Variants in CWF19L2 observed in about 807,000 individuals in gnomAD.
CWF19L2 encodes CWF19 like cell cycle control factor 2.
CWF19L2 carries 98 observed loss-of-function variants against 111.7 expected under a neutral mutation model. That is an observed-to-expected ratio of 0.88 (90% CI 0.75 to 1.04). The LOEUF (loss-of-function observed/expected upper bound fraction) is 1.04, where lower values mean the gene tolerates loss of function less well. Ranked by LOEUF, CWF19L2 falls within the 50% of genes least tolerant of loss-of-function variation. CWF19L2 has a pLI of 0.00. For synonymous variants in CWF19L2, 351 were observed against 342.9 expected (o/e 1.02, Z -0.26); for missense variants, 1,101 against 1,051.4 (o/e 1.05, Z -0.65).
At position 107,457,717 on chromosome 11, in the gene CWF19L2, G is replaced by T; in HGVS notation, c.100C>A (p.Arg34Ser). The change falls in exon 1 of 18, where the codon CGC (arginine) becomes AGC (serine). Residue 34 changes from arginine (R) to serine (S), a missense_variant. By Grantham distance (110) the Arg-to-Ser change is moderately radical. Coordinates refer to ENST00000282251, the MANE Select transcript of CWF19L2 (RefSeq NM_152434.3). ...QTRNARAEVL[R>S]QAKANFEKEE... is the part of the protein sequence containing the mutation. Reference sequence around the variant, plus strand: ...AAGCCCCAAAACAGAGGTACCTGGCGCAACACCTCGGCCCTGGCATTCCGG... The same window carrying T: ...AAGCCCCAAAACAGAGGTACCTGGCTCAACACCTCGGCCCTGGCATTCCGG... 6.4e-7 allele frequency: 1 copy of T among 1,550,612 alleles called. No individual in the cohort carries two copies. The highest frequency in any genetic ancestry group is 8.7e-7 in the Non-Finnish European group (1 of 1,146,040).
At chr11:107,431,651 T>C (rs1424676437) in intron 7 of CWF19L2, among the ~76,000 whole-genome samples, 1 of 152,076 alleles carries the variant, frequency 6.6e-6, no homozygotes, top group Non-Finnish European at 1.5e-5. Context: ...TAACAAGAGA[T>C]TTATCACATA....
At chr11:107,338,053 T>C (rs865858941) in intron 14 of CWF19L2, among the ~76,000 whole-genome samples, 3 of 152,240 alleles carry the variant, frequency 2.0e-5, no homozygotes, top group Middle Eastern at 6.8e-3. Flanking sequence ...ACCCTTTTAC[T>C]TTCTCTTCTC....
chr11:107,420,954 A>T (rs1861295458), intron 8 of CWF19L2, among the ~76,000 whole-genome samples: 1 of 142,350 alleles, frequency 7.0e-6, no homozygotes, highest in African/African-American at 2.5e-5. Flanking sequence ...GCCCAAATGG[A>T]CATCCATAGA....
intron 12 of CWF19L2, among the ~76,000 whole-genome samples, chr11:107,373,329 A>C (rs528668999): frequency 1.5e-5 from 2 of 130,262 alleles, no homozygotes; most frequent in Admixed American, 7.4e-5. Context: ...GGCACAGACA[A>C]ACAAAAAGAC....
intron 10 of CWF19L2, among the ~76,000 whole-genome samples, chr11:107,414,491 C>T (rs1861199134): frequency 6.6e-6 from 1 of 152,096 alleles, no homozygotes; most frequent in African/African-American, 2.4e-5. Context: ...TAATAACTCC[C>T]AAATTTCTAT....
At chr11:107,351,266 G>C (rs1045772073) in intron 13 of CWF19L2, among the ~76,000 whole-genome samples, 1 of 152,146 alleles carries the variant, frequency 6.6e-6, no homozygotes, top group African/African-American at 2.4e-5. Context: ...ACAGAATTTA[G>C]AAATGGACAG....
At chr11:107,340,726 G>A (rs1480682386) in intron 14 of CWF19L2, among the ~76,000 whole-genome samples, 2 of 151,994 alleles carry the variant, frequency 1.3e-5, no homozygotes, top group East Asian at 3.9e-4. Flanking sequence ...AAAAAATCTT[G>A]CTGGCACTTA....
chr11:107,431,018 T>TA (rs141472903), intron 7 of CWF19L2, among the ~76,000 whole-genome samples: 3 of 149,758 alleles, frequency 2.0e-5, no homozygotes, highest in Non-Finnish European at 4.5e-5. Flanking sequence ...AAAATAAAAT[T>TA]AAAAAAAAAC....
At chr11:107,379,247 C>T (rs1860644672) in intron 12 of CWF19L2, among the ~76,000 whole-genome samples, 1 of 152,238 alleles carries the variant, frequency 6.6e-6, no homozygotes, top group African/African-American at 2.4e-5. Flanking sequence ...AGATTGTGTT[C>T]TCAAATGAGG....
intron 12 of CWF19L2, among the ~76,000 whole-genome samples, chr11:107,367,395 T>C (rs545738671): frequency 4.3e-4 from 54 of 126,328 alleles, no homozygotes; most frequent in Middle Eastern, 3.9e-3. Flanking sequence ...TATTGAGGCA[T>C]TATTCACAAT....
At chr11:107,348,445 T>C (rs962480527) in intron 14 of CWF19L2, among the ~76,000 whole-genome samples, 1 of 152,070 alleles carries the variant, frequency 6.6e-6, no homozygotes, top group Non-Finnish European at 1.5e-5. Context: ...GGCCAGATTA[T>C]GAAGGAAAAA....
At chr11:107,372,737 C>G (rs1019431105) in intron 12 of CWF19L2, among the ~76,000 whole-genome samples, 2 of 133,960 alleles carry the variant, frequency 1.5e-5, no homozygotes, top group Non-Finnish European at 3.2e-5. Context: ...TTTGGTAGAC[C>G]AGATAAGAAA....
chr11:107,453,894 A>G (rs989514794), intron 3 of CWF19L2, among the ~76,000 whole-genome samples: 3 of 151,770 alleles, frequency 2.0e-5, no homozygotes, highest in Non-Finnish European at 4.4e-5. Context: ...CTGTGGGTCT[A>G]TGGTGGTGGC....
At chr11:107,365,257 T>C (rs1361356108) in intron 12 of CWF19L2, among the ~76,000 whole-genome samples, 6 of 146,382 alleles carry the variant, frequency 4.1e-5, no homozygotes, top group Admixed American at 4.1e-4. Flanking sequence ...AAGGAGGAAC[T>C]GGTACCATTC....
At chr11:107,380,449 G>GA (rs1254161626) in intron 12 of CWF19L2, among the ~76,000 whole-genome samples, 6 of 152,114 alleles carry the variant, frequency 3.9e-5, no homozygotes, top group Non-Finnish European at 2.9e-5. Flanking sequence ...ATTAAAATCT[G>GA]AGAGAACTGT....
intron 8 of CWF19L2, among the ~76,000 whole-genome samples, chr11:107,419,431 A>G (rs1861273241): frequency 6.6e-6 from 1 of 152,216 alleles, no homozygotes; most frequent in South Asian, 2.1e-4. Flanking sequence ...AAAACTTAGT[A>G]TCTAATCAAT....
At chr11:107,351,970 A>G (rs1465291779) in intron 13 of CWF19L2, among the ~76,000 whole-genome samples, 1 of 152,184 alleles carries the variant, frequency 6.6e-6, no homozygotes, top group Admixed American at 6.5e-5. Flanking sequence ...TATGAATGCT[A>G]GTATATCTCC....
At chr11:107,362,088 TCCCA>T (rs1860354141) in intron 12 of CWF19L2, among the ~76,000 whole-genome samples, 1 of 151,980 alleles carries the variant, frequency 6.6e-6, no homozygotes, top group East Asian at 1.9e-4. Flanking sequence ...ATCGAGTCAC[TCCCA>T]CCCAAATATT....
chr11:107,409,210 T>C (rs373384943), intron 10 of CWF19L2, among the ~76,000 whole-genome samples: 51 of 152,038 alleles, frequency 3.4e-4, no homozygotes, highest in African/African-American at 1.1e-3. Flanking sequence ...CAAAAGACAG[T>C]GTTAAAGCAG....
Sources: allele counts gnomAD v4.1 joint callset (sites outside exome capture counted in the v4.1 genomes callset), GRCh38; gene constraint gnomAD v4.1.1; transcripts MANE v1.5; gene names NCBI Gene and HGNC (gene_info 2026-07-23, HGNC 2026-07-21).